The following ZNF177 variants were observed in gnomAD, a reference collection of about 807,000 sequenced individuals.
ZNF177 encodes zinc finger protein 177.
ZNF177 carries 17 observed loss-of-function variants against 19.4 expected under a neutral mutation model. The ratio of observed to expected loss-of-function variants is 0.87; its 90% CI spans 0.60 to 1.31. ZNF177 has a LOEUF of 1.31. Ranked by LOEUF, ZNF177 falls within the 40% of genes most tolerant of loss-of-function variation. The pLI, the probability that ZNF177 is intolerant of heterozygous loss-of-function variation, is 0.00. For missense variants in ZNF177, 633 were observed against 561.8 expected (o/e 1.13, Z -1.28); for synonymous variants, 220 against 188.7 (o/e 1.17, Z -1.36).
intron 2 of ZNF177, among the ~76,000 whole-genome samples, chr19:9,368,612 T>A (rs1335978098): frequency 6.6e-6 from 1 of 152,168 alleles, no homozygotes; most frequent in Non-Finnish European, 1.5e-5. Context: ...TAAGTTCACT[T>A]CTTTTCTAAT....
intron 1 of ZNF177, among the ~76,000 whole-genome samples, chr19:9,376,787 C>G (rs1347167): frequency 6.6e-6 from 1 of 151,892 alleles, no homozygotes; most frequent in Admixed American, 6.5e-5. Context: ...TAATCTTTTA[C>G]ACTAGAGATA....
chr19:9,382,580 TACATCTAATAAATGGTCAA>T (rs1203685032), downstream of ZNF177: 1 of 394,416 alleles, frequency 2.5e-6, no homozygotes, highest in African/African-American at 2.1e-5. Flanking sequence ...TCCCAACTGT[TACATCTAATAAATGGTCAA>T]GTTTTAGGAA....
chr19:9,363,549 TG>T (rs1160919561), intron 1 of ZNF177, among the ~76,000 whole-genome samples: 43 of 152,334 alleles, frequency 2.8e-4, no homozygotes, highest in Non-Finnish European at 1.5e-5. Flanking sequence ...TGAGTGGGCT[TG>T]TGCATGTTTT....
At chr19:9,365,123 G>A (rs1259077519) in intron 2 of ZNF177, among the ~76,000 whole-genome samples, 175 bp downstream of exon 2, 1 of 152,154 alleles carries the variant, frequency 6.6e-6, no homozygotes, top group Non-Finnish European at 1.5e-5. Flanking sequence ...TTACCTAGGG[G>A]AATTCCAGTG....
At chr19:9,367,616 G>A (rs1466508156) in intron 2 of ZNF177, among the ~76,000 whole-genome samples, 1 of 152,082 alleles carries the variant, frequency 6.6e-6, no homozygotes, top group East Asian at 1.9e-4. Context: ...GTTGAAATTT[G>A]CCTATAATTT....
chr19:9,379,640 G>C (rs73920762), intron 4 of ZNF177, 21 bp downstream of exon 6: 1 of 1,611,694 alleles, frequency 6.2e-7, no homozygotes, highest in South Asian at 1.1e-5. Flanking sequence ...GGCAGAACAG[G>C]GTGCAGCCTT....
chr19:9,382,420 T>C (rs915252655), downstream of ZNF177: 11 of 398,566 alleles, frequency 2.8e-5, no homozygotes, highest in African/African-American at 2.3e-4. Flanking sequence ...AGAGAAAGGA[T>C]ACTAAATGAA....
chr19:9,378,812 A>T, intron 2 of ZNF177, 150 bp from the exon 5 acceptor site: 1 of 1,251,354 alleles, frequency 8.0e-7, no homozygotes, highest in Non-Finnish European at 1.1e-6. Context: ...ACTCAGCTTT[A>T]AGGCAAATTA....
At chr19:9,380,811 C>A in exon 6 of ZNF177, 1 of 1,536,098 alleles carries the variant, frequency 6.5e-7, no homozygotes, top group Non-Finnish European at 8.7e-7. Flanking sequence ...TCAACCATCC[C>A]TCAACTCTTA....
At chr19:9,374,572 A>G (rs1599389526), upstream of ZNF177, among the ~76,000 whole-genome samples, 1 of 152,018 alleles carries the variant, frequency 6.6e-6, no homozygotes, top group African/African-American at 2.4e-5. Flanking sequence ...TAGAATTTTC[A>G]GTGTTGAGAT....
chr19:9,381,754 A>G (rs762723205), exon 6 of ZNF177: 2 of 1,602,272 alleles, frequency 1.2e-6, no homozygotes, highest in South Asian at 2.2e-5. Flanking sequence ...GCGAATCCAC[A>G]ATGGCCAGAA....
intron 4 of ZNF177, 82 bp from the exon 7 acceptor site, chr19:9,379,975 C>G (rs2068168956): frequency 2.5e-5 from 37 of 1,485,732 alleles, no homozygotes; most frequent in Non-Finnish European, 3.3e-5. Context: ...TATTTGAAAA[C>G]AAATCCATAG....
At chr19:9,381,853 T>G (rs2068208585) in exon 6 of ZNF177, 1 of 1,515,022 alleles carries the variant, frequency 6.6e-7, no homozygotes, top group East Asian at 2.3e-5. Flanking sequence ...AGAAGCCCTG[T>G]TATGGTCACC....
chr19:9,372,045 A>G (rs973535415), upstream of ZNF177, among the ~76,000 whole-genome samples: 1 of 152,162 alleles, frequency 6.6e-6, no homozygotes, highest in African/African-American at 2.4e-5. Context: ...CACATGGTAC[A>G]TTGTGTATTT....
rs189158466 is a variant in ZNF177, at chr19:9,367,777, G to T, written c.-305+2829G>T. ...AAAAGTGACCATATTTTTTTCCCTT[G>T]TAATATTGTAAACTGCTGTTAATAG... On this transcript the variant is annotated intron_variant, in intron 2 of 8. Transcript: ENST00000343499. 1.5e-4 allele frequency among the ~76,000 whole-genome samples: 23 copies of T among 152,060 alleles called. No homozygotes were observed. The East Asian group carries it at 4.4e-3, about 29-fold the overall frequency.
At chr19:9,368,416 T>C (rs542209043) in intron 2 of ZNF177, among the ~76,000 whole-genome samples, 1 of 152,294 alleles carries the variant, frequency 6.6e-6, no homozygotes, top group East Asian at 1.9e-4. Flanking sequence ...ATTAAAGTTA[T>C]TCATGTCTTG....
At chr19:9,372,624 G>A (rs1453143941), upstream of ZNF177, among the ~76,000 whole-genome samples, 2 of 133,664 alleles carry the variant, frequency 1.5e-5, no homozygotes, top group Non-Finnish European at 3.0e-5. Flanking sequence ...TCAGCTCACT[G>A]CAACTTCTGC....
chr19:9,372,918 T>C (rs912013793), upstream of ZNF177, among the ~76,000 whole-genome samples: 1 of 152,178 alleles, frequency 6.6e-6, no homozygotes. Context: ...AAATTATATA[T>C]GTTTAAGGTG....
intron 3 of ZNF177, 65 bp downstream of exon 5, chr19:9,379,153 C>G (rs1056417632): frequency 1.3e-6 from 2 of 1,514,500 alleles, no homozygotes; most frequent in Admixed American, 2.0e-5. Flanking sequence ...ATATTATGTT[C>G]CAGAATCTGT....
Sources: gnomAD v4.1 joint callset for allele counts (sites outside exome capture counted in the v4.1 genomes callset) on GRCh38, gnomAD v4.1.1 for gene constraint, MANE v1.5 for transcripts, NCBI Gene and HGNC (gene_info 2026-07-23, HGNC 2026-07-21) for gene names.